Variants in ZCCHC17 observed in about 807,000 individuals in gnomAD.
The protein encoded by ZCCHC17 is zinc finger CCHC-type containing 17, also known as zinc finger CCHC domain-containing protein 17.
A neutral mutation model predicts 30.6 loss-of-function variants in ZCCHC17; 18 were observed. That is an observed-to-expected ratio of 0.59 (90% CI 0.41 to 0.87). ZCCHC17 has a LOEUF of 0.87. ZCCHC17 is among the 40% of genes least tolerant of loss of function. The pLI, the probability that ZCCHC17 is intolerant of heterozygous loss-of-function variation, is 0.00. For synonymous variants in ZCCHC17, 88 were observed against 92.4 expected (o/e 0.95, Z 0.27); for missense variants, 263 against 284.2 (o/e 0.93, Z 0.54).
At chr1:31,340,330 T>TTTTG (rs1453989231) in intron 5 of ZCCHC17, among the ~76,000 whole-genome samples, 2 of 149,108 alleles carry the variant, frequency 1.3e-5, no homozygotes, top group Non-Finnish European at 3.0e-5. Flanking sequence ...TTTTTTTTTT[T>TTTTG]TTTTTGAGAC....
intron 3 of ZCCHC17, among the ~76,000 whole-genome samples, chr1:31,332,036 A>C (rs1638614978): frequency 1.3e-5 from 2 of 152,212 alleles, no homozygotes; most frequent in Non-Finnish European, 2.9e-5. Flanking sequence ...ACTAATGATC[A>C]CTAATGTAAT....
chr1:31,340,565 T>C (rs1299280887), intron 5 of ZCCHC17, among the ~76,000 whole-genome samples: 4 of 152,058 alleles, frequency 2.6e-5, no homozygotes, highest in Non-Finnish European at 1.5e-5. Flanking sequence ...GATCTGCCCG[T>C]CTCGGCCTCC....
chr1:31,315,028 C>T (rs1035595245), intron 2 of ZCCHC17, among the ~76,000 whole-genome samples: 2 of 152,148 alleles, frequency 1.3e-5, no homozygotes, highest in Non-Finnish European at 2.9e-5. Flanking sequence ...GGTGGTTCTA[C>T]AGTCATTTGT....
At chr1:31,325,686 C>A (rs1005541795) in intron 3 of ZCCHC17, among the ~76,000 whole-genome samples, 1 of 152,230 alleles carries the variant, frequency 6.6e-6, no homozygotes, top group Non-Finnish European at 1.5e-5. Context: ...ATGAGCCAAG[C>A]GCAGCCCATT....
At chr1:31,301,458 G>A (rs549931039) in intron 1 of ZCCHC17, among the ~76,000 whole-genome samples, 1 of 152,206 alleles carries the variant, frequency 6.6e-6, no homozygotes, top group Non-Finnish European at 1.5e-5. Context: ...GTCAAGAAGA[G>A]AATTATTGAA....
At chr1:31,331,671 G>T (rs949463944) in intron 3 of ZCCHC17, among the ~76,000 whole-genome samples, 1 of 151,692 alleles carries the variant, frequency 6.6e-6, no homozygotes, top group African/African-American at 2.4e-5. Context: ...GAATGCAATG[G>T]CTCGATCTCG....
chr1:31,357,809 G>A (rs1213029276), intron 7 of ZCCHC17, among the ~76,000 whole-genome samples: 1 of 150,252 alleles, frequency 6.7e-6, no homozygotes, highest in Admixed American at 6.6e-5. Context: ...AGGCTGGAGT[G>A]CAATGGTGCG....
At chr1:31,313,202 C>T (rs372043832) in intron 2 of ZCCHC17, among the ~76,000 whole-genome samples, 2 of 151,850 alleles carry the variant, frequency 1.3e-5, no homozygotes, top group East Asian at 1.9e-4. Flanking sequence ...ACTCAGCCCC[C>T]GAGGTAGCTG....
At chr1:31,334,303 ATCTC>A (rs373770669) in intron 3 of ZCCHC17, among the ~76,000 whole-genome samples, 9 of 51,598 alleles carry the variant, frequency 1.7e-4, no homozygotes, top group African/African-American at 4.8e-4. Context: ...ATCCATGTGC[ATCTC>A]TCTCTCTCTC....
At chr1:31,346,286 T>A (rs1227492449) in intron 5 of ZCCHC17, among the ~76,000 whole-genome samples, 1 of 152,194 alleles carries the variant, frequency 6.6e-6, no homozygotes, top group Non-Finnish European at 1.5e-5. Context: ...AGACAAACTG[T>A]GAAAGACCTT....
intron 2 of ZCCHC17, among the ~76,000 whole-genome samples, 165 bp from the exon 3 acceptor site, chr1:31,318,944 C>CA (rs976745580): frequency 1.3e-5 from 2 of 151,342 alleles, no homozygotes; most frequent in East Asian, 1.9e-4. Context: ...GTCTAAATTT[C>CA]AAAAAAAACC....
intron 7 of ZCCHC17, among the ~76,000 whole-genome samples, chr1:31,360,778 C>T (rs1281939709): frequency 6.6e-6 from 1 of 152,138 alleles, no homozygotes; most frequent in Non-Finnish European, 1.5e-5. Context: ...AGTGGTTTTG[C>T]CGCTTTAGCC....
chr1:31,353,705 A>G (rs1403150641), intron 7 of ZCCHC17, among the ~76,000 whole-genome samples: 1 of 152,072 alleles, frequency 6.6e-6, no homozygotes, highest in Non-Finnish European at 1.5e-5. Flanking sequence ...TTGCATGTAG[A>G]TCTCTAGTTT....
chr1:31,348,779 G>T (rs140914782), intron 6 of ZCCHC17, 50 bp from the exon 7 acceptor site: 2 of 1,609,258 alleles, frequency 1.2e-6, no homozygotes, highest in African/African-American at 2.7e-5. Flanking sequence ...CACTTGCTGA[G>T]AAGAGAGACT....
At chr1:31,298,480 G>C (rs1646227202) in intron 1 of ZCCHC17, among the ~76,000 whole-genome samples, 1 of 151,466 alleles carries the variant, frequency 6.6e-6, no homozygotes, top group Admixed American at 6.6e-5. Context: ...CCACCTCCCA[G>C]GTTCAAGCAA....
chr1:31,321,518 A>G (rs1046995743), intron 3 of ZCCHC17, among the ~76,000 whole-genome samples: 1 of 152,218 alleles, frequency 6.6e-6, no homozygotes, highest in Non-Finnish European at 1.5e-5. Context: ...TCTATTGCCC[A>G]GGCTAGAGTG....
At chr1:31,299,690 G>A (rs917083518) in intron 1 of ZCCHC17, among the ~76,000 whole-genome samples, 3 of 152,196 alleles carry the variant, frequency 2.0e-5, no homozygotes, top group African/African-American at 7.2e-5. Context: ...GTTAGGTGTT[G>A]TTCCTGGAAG....
intron 5 of ZCCHC17, among the ~76,000 whole-genome samples, chr1:31,339,856 G>A (rs1406013771): frequency 6.6e-6 from 1 of 151,396 alleles, no homozygotes; most frequent in Non-Finnish European, 1.5e-5. Flanking sequence ...TCTTACTTTC[G>A]TTGGCTCTTC....
At chr1:31,342,874 G>A (rs1292572868) in intron 5 of ZCCHC17, among the ~76,000 whole-genome samples, 1 of 152,194 alleles carries the variant, frequency 6.6e-6, no homozygotes, top group African/African-American at 2.4e-5. Flanking sequence ...ATAAGATCTT[G>A]TCAGACAGCA....
Sources: gnomAD v4.1 joint callset for allele counts (sites outside exome capture counted in the v4.1 genomes callset) on GRCh38, gnomAD v4.1.1 for gene constraint, MANE v1.5 for transcripts, NCBI Gene and HGNC (gene_info 2026-07-23, HGNC 2026-07-21) for gene names.